The following TPST2 variants were observed in gnomAD, a reference collection of about 807,000 sequenced individuals.
TPST2 encodes the protein protein-tyrosine sulfotransferase 2.
In TPST2, 16 loss-of-function variants were observed where a neutral mutation model predicts 27.8. That is an observed-to-expected ratio of 0.58 (90% CI 0.39 to 0.88). The LOEUF (loss-of-function observed/expected upper bound fraction) is 0.88, where lower values mean the gene tolerates loss of function less well. Ranked by LOEUF, TPST2 falls within the 40% of genes least tolerant of loss-of-function variation. The probability of loss-of-function intolerance (pLI) is 0.00; values close to 1 mark genes in which losing one functional copy is unlikely to be tolerated. For missense variants in TPST2, 464 were observed against 543.1 expected, an observed-to-expected ratio of 0.85 and a Z score of 1.45; for synonymous variants, 229 against 231.7, an observed-to-expected ratio of 0.99 and a Z score of 0.10.
intron 1 of TPST2, among the ~76,000 whole-genome samples, chr22:26,584,322 C>A (rs1928249588): frequency 6.6e-6 from 1 of 152,124 alleles, no homozygotes; most frequent in South Asian, 2.1e-4. Flanking sequence ...GGGTGGGAAT[C>A]TGGACTTTAC....
Position 26,539,763 on chromosome 22 carries a change from T to A in TPST2, c.842+1026A>T, listed in dbSNP as rs558517632. Among the ~76,000 whole-genome samples the A allele has an allele frequency of 9.2e-3, 1,399 of 152,130 alleles. 22 individuals carry two copies. The highest frequency in any genetic ancestry group is 0.032 in the African/African-American group (1,324 of 41,470). On this transcript the variant is annotated intron_variant, in intron 3 of 6. Transcript: ENST00000338754. ...CAGCCTGGGCAACAGAGTGAAACCC[T>A]GTCTCAAAAAAACAAAAACAAAAAC... is the stretch of plus-strand genomic sequence containing the variant.
At chr22:26,528,174 C>A (rs1054659903) in intron 6 of TPST2, 40 bp downstream of exon 6, 1 of 1,552,984 alleles carries the variant, frequency 6.4e-7, no homozygotes, top group Middle Eastern at 1.7e-4. Context: ...CGGGGCCACC[C>A]AGAAGCAGCG....
intron 1 of TPST2, among the ~76,000 whole-genome samples, chr22:26,570,924 G>A (rs752547191): frequency 3.0e-4 from 45 of 152,132 alleles, no homozygotes; most frequent in Non-Finnish European, 4.9e-4. Context: ...ACTGCCAGAC[G>A]TTTGTTTCAG....
intron 3 of TPST2, among the ~76,000 whole-genome samples, chr22:26,538,074 A>G (rs1354251158): frequency 1.3e-5 from 2 of 152,222 alleles, no homozygotes; most frequent in African/African-American, 4.8e-5. Flanking sequence ...CTTACCAATT[A>G]TAACTCAGGG....
chr22:26,555,101 A>T (rs1197478734), intron 1 of TPST2: 1 of 523,282 alleles, frequency 1.9e-6, no homozygotes. Context: ...TCTGATTTGG[A>T]AGAGGCAAGG....
intron 1 of TPST2, among the ~76,000 whole-genome samples, chr22:26,553,350 G>A (rs952867378): frequency 1.3e-5 from 2 of 151,236 alleles, no homozygotes; most frequent in African/African-American, 4.9e-5. Flanking sequence ...CTAGCAGAGA[G>A]GCTTGTGCAT....
intron 4 of TPST2, among the ~76,000 whole-genome samples, chr22:26,534,034 T>C (rs753380452): frequency 5.9e-5 from 9 of 152,202 alleles, no homozygotes; most frequent in Non-Finnish European, 1.0e-4. Context: ...TAAGAAACGT[T>C]ACATACTTTT....
chr22:26,572,031 G>A (rs142393544), intron 1 of TPST2, among the ~76,000 whole-genome samples: 3 of 152,126 alleles, frequency 2.0e-5, no homozygotes, highest in African/African-American at 7.2e-5. Flanking sequence ...TCTTCACGTG[G>A]CTTAGAGGGG....
At chr22:26,539,661 C>T (rs544313844) in intron 3 of TPST2, among the ~76,000 whole-genome samples, 23 of 151,654 alleles carry the variant, frequency 1.5e-4, no homozygotes, top group Non-Finnish European at 3.2e-4. Context: ...CCCAACTACT[C>T]GGGAGACTGA....
intron 1 of TPST2, chr22:26,560,426 T>C (rs9613209): frequency 0.43 from 283,522 of 660,450 alleles, 61,741 homozygotes; most frequent in Admixed American, 0.51. Context: ...TAAGATATTG[T>C]GCATTGCAGT....
rs552458598 is a variant in TPST2, at chr22:26,525,665, T to G, written c.*610A>C. ...CACAGGAATTCAGCTGTGCCTTACA[T>G]GCACCTATATTCTCCAGCTTTTTGC... On this transcript the variant is annotated 3_prime_UTR_variant, in exon 7 of 7. Transcript: ENST00000338754. 3 of 152,350 alleles carry G rather than the reference T, an allele frequency of 2.0e-5. No individual in the cohort carries two copies. Among genetic ancestry groups the G allele is most frequent in the Non-Finnish European group, 2.9e-5 (2 of 68,022 alleles). 9.4% of individuals were successfully genotyped at this position (152,350 alleles called of 1,614,324 possible).
At chr22:26,544,330 C>T (rs556208239) in intron 2 of TPST2, among the ~76,000 whole-genome samples, 21 of 152,302 alleles carry the variant, frequency 1.4e-4, no homozygotes, top group Middle Eastern at 3.4e-3. Flanking sequence ...AAGTCCCCCG[C>T]CCACTTTGGG....
chr22:26,561,930 C>T (rs1927119540), intron 1 of TPST2, among the ~76,000 whole-genome samples: 1 of 152,196 alleles, frequency 6.6e-6, no homozygotes, highest in Non-Finnish European at 1.5e-5. Flanking sequence ...GCTCCAAATC[C>T]CTGGCAGTCC....
chr22:26,548,119 T>C (rs2147198819), intron 1 of TPST2, among the ~76,000 whole-genome samples: 1 of 152,232 alleles, frequency 6.6e-6, no homozygotes, highest in Non-Finnish European at 1.5e-5. Context: ...TAATCCAAAA[T>C]TTCAAAATCT....
At chr22:26,544,462 G>A (rs11703123) in intron 2 of TPST2, 142 bp downstream of exon 2, 42,978 of 220,630 alleles carry the variant, frequency 0.19, 4,757 homozygotes, top group Non-Finnish European at 0.23. Context: ...CCAACCTGCT[G>A]GCTGAACAGA....
intron 1 of TPST2, among the ~76,000 whole-genome samples, chr22:26,560,202 C>G (rs1927014157): frequency 6.6e-6 from 1 of 152,098 alleles, no homozygotes; most frequent in South Asian, 2.1e-4. Context: ...ACCCAGAGGC[C>G]TTCTCTGCTG....
At chr22:26,551,006 G>A (rs1926439884) in intron 1 of TPST2, among the ~76,000 whole-genome samples, 1 of 151,960 alleles carries the variant, frequency 6.6e-6, no homozygotes, top group African/African-American at 2.4e-5. Context: ...CAGGCACAGT[G>A]GCTCACGCCA....
At chr22:26,532,943 A>G (rs1044268476) in intron 4 of TPST2, among the ~76,000 whole-genome samples, 198 bp from the exon 5 acceptor site, 1 of 152,172 alleles carries the variant, frequency 6.6e-6, no homozygotes, top group African/African-American at 2.4e-5. Context: ...TTAACCAGAT[A>G]ATGGAAATTC....
At chr22:26,544,281 G>A (rs190754065) in intron 2 of TPST2, among the ~76,000 whole-genome samples, 20 of 152,300 alleles carry the variant, frequency 1.3e-4, no homozygotes, top group African/African-American at 2.2e-4. Context: ...ACACAACAGC[G>A]TTTGGGTTCT....
Sources: allele counts gnomAD v4.1 joint callset (sites outside exome capture counted in the v4.1 genomes callset), GRCh38; gene constraint gnomAD v4.1.1; transcripts MANE v1.5; gene names NCBI Gene and HGNC (gene_info 2026-07-23, HGNC 2026-07-21).